The following NWD1 variants were observed in gnomAD, a reference collection of about 807,000 sequenced individuals.
NWD1 encodes the protein NACHT and WD repeat domain containing 1.
Under a neutral mutation model 135.1 loss-of-function variants are expected in NWD1, and 129 were observed. That is an observed-to-expected ratio of 0.96 (90% CI 0.83 to 1.11). The LOEUF is 1.11. Among genes scored for constraint, NWD1 ranks in the 50% least tolerant of loss-of-function variants. The probability of loss-of-function intolerance (pLI) is 0.00; values close to 1 mark genes in which losing one functional copy is unlikely to be tolerated. For missense variants in NWD1, 1,740 were observed against 1,851.3 expected, an observed-to-expected ratio of 0.94 and a Z score of 1.10; for synonymous variants, 773 against 786.0, an observed-to-expected ratio of 0.98 and a Z score of 0.28.
rs958258784 is a variant in NWD1, at chr19:16,719,971, C to T, written c.-427C>T. ...GGAAACTGTCCTCTCTAACCTATTT[C>T]CCCAGAGGAGTCTAAATTGGTCGTT... On this transcript the variant is annotated 5_prime_UTR_variant, in exon 1 of 19. Transcript: ENST00000524140. The T allele has an allele frequency of 6.6e-6, 1 of 152,182 alleles. No individual in the cohort carries two copies. Among genetic ancestry groups the T allele is most frequent in the African/African-American group, 2.4e-5 (1 of 41,456 alleles). The allele number at this position is 152,182 out of a possible 1,614,324, so 9.4% of individuals were successfully genotyped here.
At chr19:16,803,038 G>T (rs538524185) in intron 17 of NWD1, among the ~76,000 whole-genome samples, 7 of 152,214 alleles carry the variant, frequency 4.6e-5, no homozygotes, top group Non-Finnish European at 8.8e-5. Context: ...GGCTGGGAAG[G>T]CCTCACAATC....
chr19:16,799,181 C>T (rs1970517125), intron 16 of NWD1, among the ~76,000 whole-genome samples: 1 of 151,970 alleles, frequency 6.6e-6, no homozygotes, highest in African/African-American at 2.4e-5. Flanking sequence ...AAGTGTATTT[C>T]TTATTTTCTT....
At chr19:16,802,774 G>C (rs1282154436) in intron 17 of NWD1, among the ~76,000 whole-genome samples, 1 of 152,040 alleles carries the variant, frequency 6.6e-6, no homozygotes, top group Non-Finnish European at 1.5e-5. Context: ...GCCAAGGCAG[G>C]CGCATCATTT....
At chr19:16,761,920 A>AG in intron 7 of NWD1, 59 bp from the exon 8 acceptor site, 1 of 1,461,248 alleles carries the variant, frequency 6.8e-7, no homozygotes, top group Admixed American at 1.9e-5. Context: ...GAAGACAAGC[A>AG]GCCACCTTTG....
chr19:16,731,267 T>G lies in NWD1; in HGVS notation c.70T>G (p.Leu24Val). ...KCQTFCQRHG[L>V]MFEVVDLRWG... is the part of the protein sequence containing the mutation. ...CCAGACCTTCTGCCAGAGGCACGGC[T>G]TGATGTTTGAGGTAACTGGAAGTCA... Residue 24 changes from leucine to valine, a missense_variant, in exon 3 of 19, where the codon TTG becomes GTG. By Grantham distance (32) the Leu-to-Val change is conservative. Coordinates refer to ENST00000524140, the MANE Select transcript of NWD1 (RefSeq NM_001007525.5). 6.5e-7 allele frequency: 1 copy of G among 1,529,864 alleles called. No individual in the cohort carries two copies. Among genetic ancestry groups the G allele is most frequent in the Non-Finnish European group, 8.8e-7 (1 of 1,141,150 alleles). The allele number at this position is 1,529,864 out of a possible 1,614,324, so 94.8% of individuals were successfully genotyped here.
chr19:16,765,088 T>C lies in NWD1; in HGVS notation c.2306T>C (p.Leu769Pro), dbSNP rs371795378. 1.5e-5 allele frequency: 24 copies of C among 1,614,066 alleles called. No homozygotes were observed. Among genetic ancestry groups the C allele is most frequent in the African/African-American group, 2.7e-5 (2 of 74,920 alleles). ...RGISGGIEDL[L>P]DDFDLCAPHL... ...ATCTCTGGGGGCATTGAAGACCTGC[T>C]GGATGACTTTGACCTGTGTGCCCCT... Residue 769 changes from leucine (L) to proline (P), a missense_variant, in exon 10 of 19, where the codon CTG (leucine) becomes CCG (proline). Physicochemically the swap from Leu to Pro is moderately conservative, Grantham distance 98. Transcript: ENST00000524140.
At chr19:16,779,261 G>C in intron 11 of NWD1, 82 bp from the exon 12 acceptor site, 1 of 1,475,150 alleles carries the variant, frequency 6.8e-7, no homozygotes, top group Non-Finnish European at 9.4e-7. Flanking sequence ...TCTGTGAAGT[G>C]GGGGGCTCAT....
chr19:16,797,866 T>A lies in NWD1; in HGVS notation c.3439T>A (p.Ser1147Thr), dbSNP rs1385837435. The A allele has an allele frequency of 8.7e-6, 14 of 1,613,442 alleles. No homozygotes were observed. The Admixed American group carries it at 2.3e-4, about 27-fold the overall frequency. Residue 1147 changes from serine (S) to threonine (T), a missense_variant, in exon 16 of 19, where the codon TCC becomes ACC. Physicochemically the swap from Ser to Thr is moderately conservative, Grantham distance 58. Transcript: ENST00000524140. ...TGAGAACAACCTGATCATCACGGGG[T>A]CCCTTGATGCGCTCATTCAGGTGAG... is the stretch of plus-strand genomic sequence containing the variant. ...GTENNLIITG[S>T]LDALIQVWSL...
intron 2 of NWD1, among the ~76,000 whole-genome samples, chr19:16,725,969 T>C (rs1025414352): frequency 1.9e-4 from 25 of 132,606 alleles, no homozygotes; most frequent in African/African-American, 6.4e-4. Flanking sequence ...TGTTTTTTTT[T>C]GCTTTTTTTT....
chr19:16,737,965 G>A (rs547242496), intron 4 of NWD1, among the ~76,000 whole-genome samples: 1 of 19,728 alleles, frequency 5.1e-5, no homozygotes, highest in Non-Finnish European at 1.2e-4. Context: ...ACTCTATCTC[G>A]AAAAGAAAAG....
At chr19:16,750,433 C>A (rs755638592) in intron 6 of NWD1, 22 bp downstream of exon 6, 1 of 1,493,690 alleles carries the variant, frequency 6.7e-7, no homozygotes, top group Non-Finnish European at 8.9e-7. Context: ...TGTTTTGAAA[C>A]TCTTATTTAT....
chr19:16,725,503 A>G (rs553566017), intron 2 of NWD1, among the ~76,000 whole-genome samples: 1 of 152,156 alleles, frequency 6.6e-6, no homozygotes, highest in South Asian at 2.1e-4. Flanking sequence ...TCCTGCAGGC[A>G]AAGATAACTA....
chr19:16,738,987 C>G (rs1004557995), intron 4 of NWD1, among the ~76,000 whole-genome samples: 5 of 148,984 alleles, frequency 3.4e-5, no homozygotes, highest in Non-Finnish European at 7.4e-5. Context: ...CCAGCCTTAG[C>G]CTCCTGGGTA....
chr19:16,741,537 T>G lies in NWD1; in HGVS notation c.199-2884T>G, dbSNP rs1486253375. Among the ~76,000 whole-genome samples, 5 of 151,730 alleles carry G rather than the reference T, an allele frequency of 3.3e-5. No homozygotes were observed. The East Asian group carries it at 9.8e-4, about 30-fold the overall frequency. ...CCTACCACCATGCCCGGCTAATTAT[T>G]TTTATATTTTTAATAGATATGGGGT... On this transcript the variant is annotated intron_variant, in intron 4 of 18. Transcript: ENST00000524140.
At chr19:16,736,878 C>T (rs910664199) in intron 4 of NWD1, 128 bp downstream of exon 4, 5 of 653,434 alleles carry the variant, frequency 7.7e-6, no homozygotes, top group Non-Finnish European at 1.1e-5. Context: ...CTATGGCCTG[C>T]CTGTGGCAGA....
At chr19:16,785,330 G>A (rs1970001239) in intron 12 of NWD1, among the ~76,000 whole-genome samples, 1 of 151,968 alleles carries the variant, frequency 6.6e-6, no homozygotes, top group South Asian at 2.1e-4. Flanking sequence ...TGGACAACAT[G>A]GTGAAACCCC....
chr19:16,799,253 T>C (rs2123095907), intron 16 of NWD1, among the ~76,000 whole-genome samples: 1 of 152,294 alleles, frequency 6.6e-6, no homozygotes, highest in South Asian at 2.1e-4. Context: ...TGAAGTGCAG[T>C]GGCGCAATCT....
chr19:16,754,225 T>TATCC (rs1968692794), intron 6 of NWD1, among the ~76,000 whole-genome samples: 2 of 144,672 alleles, frequency 1.4e-5, no homozygotes, highest in Admixed American at 6.9e-5. Context: ...TAAATCCATC[T>TATCC]ATCCATCCAT....
chr19:16,731,345 T>C (rs1325692517), intron 3 of NWD1, 67 bp downstream of exon 3: 3 of 983,396 alleles, frequency 3.1e-6, no homozygotes, highest in Non-Finnish European at 4.6e-6. Context: ...TCTTGCTCTG[T>C]CGCCAGGCTG....
Sources: gnomAD v4.1 joint callset for allele counts (sites outside exome capture counted in the v4.1 genomes callset) on GRCh38, gnomAD v4.1.1 for gene constraint, MANE v1.5 for transcripts, NCBI Gene and HGNC (gene_info 2026-07-23, HGNC 2026-07-21) for gene names.